The following CENPP variants were observed in gnomAD, a reference collection of about 807,000 sequenced individuals.
CENPP encodes the protein centromere protein P.
Under a neutral mutation model 35.6 loss-of-function variants are expected in CENPP, and 24 were observed. The observed-to-expected ratio is 0.67, with a 90% CI of 0.49 to 0.95. The LOEUF (loss-of-function observed/expected upper bound fraction) is 0.95. Among genes scored for constraint, CENPP ranks in the 40% least tolerant of loss-of-function variants. CENPP has a pLI of 0.00. For missense variants in CENPP, 332 were observed against 345.3 expected, an observed-to-expected ratio of 0.96 and a Z score of 0.31; for synonymous variants, 120 against 125.5, an observed-to-expected ratio of 0.96 and a Z score of 0.29.
chr9:92,453,483 G>A (rs922409898), intron 5 of CENPP, among the ~76,000 whole-genome samples: 10 of 152,088 alleles, frequency 6.6e-5, no homozygotes, highest in Non-Finnish European at 1.0e-4. Context: ...TATAATTTCT[G>A]TTCTTTTACA....
At chr9:92,546,834 A>G (rs777274255) in intron 5 of CENPP, among the ~76,000 whole-genome samples, 1 of 152,186 alleles carries the variant, frequency 6.6e-6, no homozygotes, top group Non-Finnish European at 1.5e-5. Context: ...GAATCAGAAA[A>G]TCTAAATTGT....
chr9:92,607,224 C>T (rs570820686), intron 5 of CENPP, among the ~76,000 whole-genome samples: 3 of 152,070 alleles, frequency 2.0e-5, no homozygotes, highest in Non-Finnish European at 4.4e-5. Context: ...TGTGAATATC[C>T]AATTGGCCCA....
At chr9:92,464,130 C>T (rs1055625775) in intron 5 of CENPP, among the ~76,000 whole-genome samples, 1 of 152,128 alleles carries the variant, frequency 6.6e-6, no homozygotes, top group Admixed American at 6.5e-5. Context: ...GTCATCAAAG[C>T]AAAGAGAGCA....
chr9:92,376,350 A>G (rs1842124287), intron 4 of CENPP, among the ~76,000 whole-genome samples: 1 of 152,192 alleles, frequency 6.6e-6, no homozygotes, highest in Non-Finnish European at 1.5e-5. Context: ...TCCCCTGTGT[A>G]GCTATGTCTT....
intron 3 of CENPP, among the ~76,000 whole-genome samples, chr9:92,345,467 G>A (rs1841263465): frequency 6.7e-6 from 1 of 149,866 alleles, no homozygotes; most frequent in African/African-American, 2.5e-5. Context: ...ACTCCAGCCT[G>A]GTGACAGAGC....
chr9:92,596,287 CCAT>C (rs979307792), intron 5 of CENPP, among the ~76,000 whole-genome samples: 10 of 151,752 alleles, frequency 6.6e-5, no homozygotes, highest in African/African-American at 1.7e-4. Flanking sequence ...GCACACACCA[CCAT>C]GTCTAATTTT....
Position 92,618,731 on chromosome 9 carries a change from C to T in CENPP, c.*5582C>T, listed in dbSNP as rs1279861084. On this transcript the variant is annotated 3_prime_UTR_variant, in exon 8 of 8. Coordinates refer to ENST00000375587, the MANE Select transcript of CENPP (RefSeq NM_001012267.3). ...TCAGTATTTCATATTGGAAAGTAAA[C>T]AATTCTGTGCCTGCCAGGGAACAGG... 1 of 359,760 alleles carries T rather than the reference C, an allele frequency of 2.8e-6. No individual in the cohort carries two copies. The highest frequency in any genetic ancestry group is 2.1e-5 in the African/African-American group (1 of 46,838). 22.3% of individuals were successfully genotyped at this position (359,760 alleles called of 1,614,324 possible). A position where few individuals can be genotyped will look rare whatever the true frequency, so the allele number is the denominator to read the frequency against.
At chr9:92,361,313 G>C (rs566317300) in intron 4 of CENPP, among the ~76,000 whole-genome samples, 211 of 151,192 alleles carry the variant, frequency 1.4e-3, no homozygotes, top group African/African-American at 4.9e-3. Flanking sequence ...GCTAATTTTT[G>C]TATTGTTAGC....
intron 5 of CENPP, chr9:92,456,307 T>C (rs1844875869): frequency 6.6e-6 from 1 of 152,234 alleles, no homozygotes; most frequent in Admixed American, 6.5e-5. Context: ...AGCATTTATA[T>C]AGAGCTTTCG....
chr9:92,397,820 T>C (rs1769902955), intron 5 of CENPP, among the ~76,000 whole-genome samples: 1 of 152,158 alleles, frequency 6.6e-6, no homozygotes, highest in Admixed American at 6.5e-5. Context: ...GATATAAACA[T>C]ATACAATATA....
At chr9:92,546,976 G>A (rs1849476126) in intron 5 of CENPP, among the ~76,000 whole-genome samples, 1 of 152,198 alleles carries the variant, frequency 6.6e-6, no homozygotes, top group African/African-American at 2.4e-5. Context: ...TGACAGGGAC[G>A]TCAGAAGGAA....
At chr9:92,371,520 T>C (rs1327333914) in intron 4 of CENPP, among the ~76,000 whole-genome samples, 1 of 152,208 alleles carries the variant, frequency 6.6e-6, no homozygotes. Context: ...ACTTGTTTTG[T>C]GTCCTAACAT....
Position 92,593,306 on chromosome 9 carries a change from A to T in CENPP, c.565-18008A>T, listed in dbSNP as rs768008622. On this transcript the variant is annotated intron_variant, in intron 5 of 7. Coordinates refer to ENST00000375587, the MANE Select transcript of CENPP (RefSeq NM_001012267.3). This position sits in a 1 kb window ranked among gnomAD's most constrained non-coding sequence, Gnocchi z 4.1. ...CAGACTTCTGACAGACCACCGTGGC[A>T]TCACACACAGGAGATACTCCATAAT... Among the ~76,000 whole-genome samples, 1 of 152,266 alleles carries T rather than the reference A, an allele frequency of 6.6e-6. No individual in the cohort carries two copies.
intron 5 of CENPP, chr9:92,404,476 T>C (rs773731872): frequency 2.7e-5 from 34 of 1,253,490 alleles, no homozygotes; most frequent in Non-Finnish European, 2.8e-5. Flanking sequence ...TTTAAAATAA[T>C]ATATGAAAAG....
intron 4 of CENPP, among the ~76,000 whole-genome samples, chr9:92,356,206 G>T (rs1841584861): frequency 6.6e-6 from 1 of 152,188 alleles, no homozygotes; most frequent in Non-Finnish European, 1.5e-5. Flanking sequence ...ATGAAGAGTA[G>T]AATTCTCTGT....
At position 92,385,914 on chromosome 9, in the gene CENPP, A is replaced by G. The variant is rs955673332; in HGVS notation, c.564+6055A>G. 2.9e-5 allele frequency: 25 copies of G among 854,568 alleles called. No homozygotes were observed. The African/African-American group carries it at 3.9e-4, about 13-fold the overall frequency. The allele number at this position is 854,568 out of a possible 1,614,324, so 52.9% of individuals were successfully genotyped here. On this transcript the variant is annotated intron_variant, in intron 5 of 7. Transcript: ENST00000375587. ...CCCCTCACTTCAAATCCTTGTGTCA[A>G]ATTAATTAGGAAATACTCAAATGTA...
intron 5 of CENPP, among the ~76,000 whole-genome samples, chr9:92,421,503 T>C (rs552749382): frequency 6.6e-6 from 1 of 152,230 alleles, no homozygotes; most frequent in South Asian, 2.1e-4. Flanking sequence ...TATGGTATCA[T>C]ACCAAAGGGC....
intron 5 of CENPP, among the ~76,000 whole-genome samples, chr9:92,555,214 AT>A (rs34701393): frequency 0.01 from 646 of 63,402 alleles, 6 homozygotes; most frequent in East Asian, 0.044. Flanking sequence ...TTTTTTGGAA[AT>A]TTTTTTTTTT....
intron 5 of CENPP, among the ~76,000 whole-genome samples, chr9:92,393,664 C>T (rs998860831): frequency 6.6e-6 from 1 of 152,138 alleles, no homozygotes; most frequent in African/African-American, 2.4e-5. Flanking sequence ...TTAGAGTAAT[C>T]GTAGGCACTG....
Sources: gnomAD v4.1 joint callset for allele counts (sites outside exome capture counted in the v4.1 genomes callset) on GRCh38, gnomAD v4.1.1 for gene constraint, Gnocchi (gnomAD v3.1) non-coding constraint, MANE v1.5 for transcripts, NCBI Gene and HGNC (gene_info 2026-07-23, HGNC 2026-07-21) for gene names.